Variants in OLFML2A observed in about 807,000 individuals in gnomAD.
OLFML2A encodes olfactomedin like 2A.
In OLFML2A, 47 loss-of-function variants were observed where a neutral mutation model predicts 60.9. That is an observed-to-expected ratio of 0.77 (90% CI 0.61 to 0.98). The LOEUF (loss-of-function observed/expected upper bound fraction) is 0.98. Ranked by LOEUF, OLFML2A falls within the 50% of genes least tolerant of loss-of-function variation. The pLI is 0.00. For synonymous variants in OLFML2A, 372 were observed against 375.0 expected (o/e 0.99, Z 0.09); for missense variants, 922 against 879.8 (o/e 1.05, Z -0.61).
intron 1 of OLFML2A, among the ~76,000 whole-genome samples, chr9:124,786,678 G>A (rs1407858179): frequency 6.6e-6 from 1 of 150,590 alleles, no homozygotes; most frequent in East Asian, 2.0e-4. Flanking sequence ...CCGAGATGGC[G>A]CTACTGCACT....
chr9:124,788,640 A>G (rs972204497), intron 2 of OLFML2A, among the ~76,000 whole-genome samples: 5 of 151,880 alleles, frequency 3.3e-5, no homozygotes, highest in African/African-American at 1.2e-4. Context: ...GAAACCCTTG[A>G]GCCTCCCATA....
In OLFML2A at chr9:124,777,234, G is replaced by A; in HGVS notation, c.-37G>A. 3 of 868,174 alleles carry A rather than the reference G, an allele frequency of 3.5e-6. No individual in the cohort carries two copies. Among genetic ancestry groups the A allele is most frequent in the Non-Finnish European group, 3.0e-6 (2 of 661,074 alleles). The allele number at this position is 868,174 out of a possible 1,614,324, so 53.8% of individuals were successfully genotyped here. On this transcript the variant is annotated 5_prime_UTR_variant, in exon 1 of 8. In the 5' UTR this introduces an upstream ATG that the reference lacks. Coordinates refer to ENST00000373580, the MANE Select transcript of OLFML2A (RefSeq NM_182487.4). The surrounding 1 kb of genome is among the most constrained non-coding windows in gnomAD (Gnocchi z 6.2). ...GTGCAGCCCGCGCTTCCCAGCGTCC[G>A]TGCCCGGCCGCCTGTGCCTACCGTG...
chr9:124,780,498 C>T (rs1841342373), intron 1 of OLFML2A, among the ~76,000 whole-genome samples: 1 of 152,208 alleles, frequency 6.6e-6, no homozygotes, highest in African/African-American at 2.4e-5. Context: ...TCAGATGTTC[C>T]AGGCCAGGCT....
At chr9:124,785,107 C>T (rs1202799974) in intron 1 of OLFML2A, among the ~76,000 whole-genome samples, 1 of 151,418 alleles carries the variant, frequency 6.6e-6, no homozygotes, top group Non-Finnish European at 1.5e-5. Flanking sequence ...GCATGTGCCA[C>T]CATGCCCACC....
intron 1 of OLFML2A, 107 bp from the exon 2 acceptor site, chr9:124,786,868 C>T (rs1588879527): frequency 1.7e-6 from 2 of 1,163,880 alleles, no homozygotes; most frequent in East Asian, 4.7e-5. Context: ...CAAACACTCT[C>T]ATCCCAAGGC....
chr9:124,786,938 A>T, intron 1 of OLFML2A, 37 bp from the exon 2 acceptor site: 2 of 1,584,886 alleles, frequency 1.3e-6, no homozygotes, highest in Non-Finnish European at 1.7e-6. Flanking sequence ...ACTGCCTAGC[A>T]GCAACTCACT....
intron 2 of OLFML2A, among the ~76,000 whole-genome samples, chr9:124,788,228 G>C (rs575060779): frequency 6.2e-4 from 95 of 152,040 alleles, no homozygotes; most frequent in Middle Eastern, 3.4e-3. Context: ...CTTGAACCCA[G>C]GAGGCAGAAG....
At chr9:124,785,635 C>G (rs540007317) in intron 1 of OLFML2A, among the ~76,000 whole-genome samples, 1 of 149,750 alleles carries the variant, frequency 6.7e-6, no homozygotes, top group South Asian at 2.1e-4. Context: ...CTCCTGACCT[C>G]GTGATCTGCC....
At position 124,807,901 on chromosome 9, in the gene OLFML2A, A is replaced by G. The variant is rs1270357236; in HGVS notation, c.1289A>G (p.Tyr430Cys). 1.9e-6 allele frequency: 3 copies of G among 1,614,172 alleles called. No homozygotes were observed. The highest frequency in any genetic ancestry group is 1.7e-5 in the Admixed American group (1 of 60,024). Residue 430 changes from tyrosine to cysteine, a missense_variant, in exon 7 of 8, where the codon TAT (tyrosine) becomes TGT (cysteine). Transcript: ENST00000373580. ...KDPAARDDRI[Y>C]VTNYYYGNSL... ...CCTGCAGCTCGAGACGACAGGATCT[A>G]TGTCACCAACTACTACTATGGAAAC...
chr9:124,797,762 T>G (rs1841694853), intron 3 of OLFML2A, among the ~76,000 whole-genome samples: 1 of 152,186 alleles, frequency 6.6e-6, no homozygotes, highest in Admixed American at 6.5e-5. Flanking sequence ...GGTTTCCAAG[T>G]CCTCTCCAGT....
intron 1 of OLFML2A, among the ~76,000 whole-genome samples, chr9:124,782,187 G>A (rs1841373621): frequency 1.3e-5 from 2 of 152,238 alleles, no homozygotes; most frequent in Non-Finnish European, 2.9e-5. Flanking sequence ...TCAGGGAGAA[G>A]CCCCTGCCTG....
At chr9:124,808,990 T>C (rs2131282172) in intron 7 of OLFML2A, among the ~76,000 whole-genome samples, 1 of 143,382 alleles carries the variant, frequency 7.0e-6, no homozygotes, top group African/African-American at 2.6e-5. Flanking sequence ...ACCCCGTCTC[T>C]ACTAAAAAAT....
At position 124,777,447 on chromosome 9, in the gene OLFML2A, CCGGGGCCA is replaced by C; in HGVS notation, c.90+88_90+95del. On this transcript the variant is annotated intron_variant, in intron 1 of 7. Coordinates refer to ENST00000373580, the MANE Select transcript of OLFML2A (RefSeq NM_182487.4). This position sits in a 1 kb window ranked among gnomAD's most constrained non-coding sequence, Gnocchi z 6.2. Reference sequence around the variant, plus strand: ...GCTGGGGTGCGGCCCGGGAGGGAGCCCGGGGCCAGGGCGGAGGAGCCGGGAGCTGAGAG... The same window carrying C: ...GCTGGGGTGCGGCCCGGGAGGGAGCCGGGCGGAGGAGCCGGGAGCTGAGAG... The C allele has an allele frequency of 8.4e-7, 1 of 1,186,532 alleles. No individual in the cohort carries two copies. The highest frequency in any genetic ancestry group is 1.1e-6 in the Non-Finnish European group (1 of 951,866). The allele number at this position is 1,186,532 out of a possible 1,614,324, so 73.5% of individuals were successfully genotyped here.
rs544829838 is a variant in OLFML2A at position 124,804,213 on chromosome 9, C to T, written c.1039C>T (p.Arg347Ter). ...QDEAEPRSSE[R>*]VDLASGTPTS... ...TGAGGCTGAGCCCAGGTCCTCCGAG[C>T]GAGTGGACCTGGCTTCTGGCACCCC... is the stretch of plus-strand genomic sequence containing the variant. The change falls in exon 6 of 8, where the codon CGA becomes TGA. Residue 347 changes from arginine (R) to a stop codon, truncating the protein, a stop_gained. Coordinates refer to ENST00000373580, the MANE Select transcript of OLFML2A (RefSeq NM_182487.4). LOFTEE classifies it high-confidence loss of function. The T allele has an allele frequency of 8.1e-5, 130 of 1,613,936 alleles. No homozygotes were observed. The highest frequency in any genetic ancestry group is 1.0e-4 in the Non-Finnish European group (120 of 1,179,992).
rs373271578 is a variant in OLFML2A, at chr9:124,810,314, G to C, written c.1861G>C (p.Ala621Pro). The change falls in exon 8 of 8, where the codon GCC becomes CCC. Residue 621 changes from alanine to proline, a missense_variant. By Grantham distance (27) the Ala-to-Pro change is conservative. Transcript: ENST00000373580. ...RPQLPFLNEH[A>P]YTTQIDYNPK... is the part of the protein sequence containing the mutation. ...CCAGCTGCCGTTCCTCAACGAGCACGCCTACACCACCCAGATCGACTACAA... is the reference window on the plus strand; with the variant it reads ...CCAGCTGCCGTTCCTCAACGAGCACCCCTACACCACCCAGATCGACTACAA... 1 of 1,607,426 alleles carries C rather than the reference G, an allele frequency of 6.2e-7. No homozygotes were observed. The highest frequency in any genetic ancestry group is 8.5e-7 in the Non-Finnish European group (1 of 1,179,956).
chr9:124,805,565 A>G (rs1236129395), intron 6 of OLFML2A, among the ~76,000 whole-genome samples: 1 of 152,136 alleles, frequency 6.6e-6, no homozygotes, highest in Non-Finnish European at 1.5e-5. Flanking sequence ...ACATGCAAAG[A>G]AAAAAGAAAA....
rs1157367805 is a variant in OLFML2A, at chr9:124,777,754, G to A, written c.90+394G>A. On this transcript the variant is annotated intron_variant, in intron 1 of 7. Coordinates refer to ENST00000373580, the MANE Select transcript of OLFML2A (RefSeq NM_182487.4). This position sits in a 1 kb window ranked among gnomAD's most constrained non-coding sequence, Gnocchi z 6.2. ...GGCCACGGCTTTCACGGCCCGCTGG[G>A]GACTGGGGGTCTTCTCTACCCGATG... Among the ~76,000 whole-genome samples the A allele has an allele frequency of 6.6e-6, 1 of 152,110 alleles. No individual in the cohort carries two copies. The highest frequency in any genetic ancestry group is 1.5e-5 in the Non-Finnish European group (1 of 68,006).
intron 3 of OLFML2A, among the ~76,000 whole-genome samples, chr9:124,795,961 G>A (rs1405003831): frequency 6.6e-6 from 1 of 152,232 alleles, no homozygotes; most frequent in Non-Finnish European, 1.5e-5. Flanking sequence ...ACAGAGTTGG[G>A]CGAGCATGGG....
rs1841322690 is a variant in OLFML2A, at chr9:124,779,556, G to C, written c.90+2196G>C. Among the ~76,000 whole-genome samples, 1 of 151,816 alleles carries C rather than the reference G, an allele frequency of 6.6e-6. No homozygotes were observed. The highest frequency in any genetic ancestry group is 2.4e-5 in the African/African-American group (1 of 41,332). Reference sequence around the variant, plus strand: ...TTGTGTGTGTGTGTGGTGGGGGGGGGGTGTTTAGCTGTCCCAGGACAAGCT... The same window carrying C: ...TTGTGTGTGTGTGTGGTGGGGGGGGCGTGTTTAGCTGTCCCAGGACAAGCT... On this transcript the variant is annotated intron_variant, in intron 1 of 7. Coordinates refer to ENST00000373580, the MANE Select transcript of OLFML2A (RefSeq NM_182487.4). The surrounding 1 kb of genome is among the most constrained non-coding windows in gnomAD (Gnocchi z 4.1).
Sources: allele counts gnomAD v4.1 joint callset (sites outside exome capture counted in the v4.1 genomes callset), GRCh38; gene constraint gnomAD v4.1.1; non-coding constraint Gnocchi (gnomAD v3.1); transcripts MANE v1.5; gene names NCBI Gene and HGNC (gene_info 2026-07-23, HGNC 2026-07-21).